The following PHF24 variants were observed in gnomAD, a reference collection of about 807,000 sequenced individuals.
PHF24 encodes Galpha inhibitory interacting protein.
PHF24 carries 25 observed loss-of-function variants against 42.6 expected under a neutral mutation model. The ratio of observed to expected loss-of-function variants is 0.59; its 90% confidence interval spans 0.43 to 0.82. The LOEUF (loss-of-function observed/expected upper bound fraction) is 0.82, where lower values mean the gene tolerates loss of function less well. Among genes scored for constraint, PHF24 ranks in the 40% least tolerant of loss-of-function variants. The pLI is 0.00. For missense variants in PHF24, 470 were observed against 538.1 expected (o/e 0.87, Z 1.25); for synonymous variants, 185 against 204.8 (o/e 0.90, Z 0.83).
the PHF24 span, among the ~76,000 whole-genome samples, chr9:34,682,150 ATTTTTTTT>A: frequency 3.5e-4 from 33 of 93,098 alleles, no homozygotes; most frequent in Non-Finnish European, 6.2e-4. Context: ...AATTATTTCT[ATTTTTTTT>A]TTTTTTTTTT....
At chr9:34,909,597 T>C in the PHF24 span, among the ~76,000 whole-genome samples, 38 of 152,076 alleles carry the variant, frequency 2.5e-4, no homozygotes, top group Non-Finnish European at 4.4e-4. Flanking sequence ...TTTTGAGAGG[T>C]ACCTTAGAAC....
At chr9:34,685,348 A>G in the PHF24 span, among the ~76,000 whole-genome samples, 1 of 152,084 alleles carries the variant, frequency 6.6e-6, no homozygotes, top group South Asian at 2.1e-4. Flanking sequence ...TGTTGTTGGG[A>G]AAACTGAGGC....
chr9:34,709,518 C>G, the PHF24 span: 1 of 1,614,132 alleles, frequency 6.2e-7, no homozygotes, highest in Non-Finnish European at 8.5e-7. Flanking sequence ...GCCTTTGGAG[C>G]CCTTTCCTTT....
At chr9:34,910,207 T>C in the PHF24 span, among the ~76,000 whole-genome samples, 3 of 152,340 alleles carry the variant, frequency 2.0e-5, no homozygotes, top group Non-Finnish European at 2.9e-5. Flanking sequence ...TTCTACAGTA[T>C]TCATATTTGT....
chr9:34,963,520 C>T (rs192967332), intron 1 of PHF24, among the ~76,000 whole-genome samples: 5 of 152,098 alleles, frequency 3.3e-5, no homozygotes, highest in East Asian at 3.8e-4. Context: ...AGATACTGCT[C>T]GTGCTAAATT....
At chr9:34,972,557 G>A in intron 3 of PHF24, 26 bp downstream of exon 3, 3 of 1,565,558 alleles carry the variant, frequency 1.9e-6, no homozygotes, top group Non-Finnish European at 2.6e-6. Flanking sequence ...AGGGACAGCA[G>A]AGGACTTGGC....
chr9:34,716,575 T>C, the PHF24 span, among the ~76,000 whole-genome samples: 1 of 102,392 alleles, frequency 9.8e-6, no homozygotes, highest in Admixed American at 9.2e-5. Context: ...CTTTGTTTTG[T>C]TTTGTTTTGT....
At chr9:34,976,091 T>G in intron 3 of PHF24, 61 bp from the exon 4 acceptor site, 2 of 1,166,080 alleles carry the variant, frequency 1.7e-6, no homozygotes, top group Non-Finnish European at 2.6e-6. Context: ...TCTAGCCCCC[T>G]TGACCCTGGC....
chr9:34,698,706 CTGACCTCCGG>C, the PHF24 span, among the ~76,000 whole-genome samples: 1 of 152,184 alleles, frequency 6.6e-6, no homozygotes, highest in South Asian at 2.1e-4. Flanking sequence ...TCTTGAACTC[CTGACCTCCGG>C]TGATCCACCT....
chr9:34,743,646 C>T, the PHF24 span, among the ~76,000 whole-genome samples: 1 of 152,196 alleles, frequency 6.6e-6, no homozygotes, highest in Non-Finnish European at 1.5e-5. Context: ...TTTATATTTA[C>T]AGCTCTTCTT....
the PHF24 span, among the ~76,000 whole-genome samples, chr9:34,827,612 C>T: frequency 5.9e-5 from 9 of 152,162 alleles, no homozygotes; most frequent in African/African-American, 2.2e-4. Context: ...AGGGGCATCC[C>T]ACTGTCCCTC....
chr9:34,879,587 T>C, the PHF24 span, among the ~76,000 whole-genome samples: 1 of 151,920 alleles, frequency 6.6e-6, no homozygotes, highest in Non-Finnish European at 1.5e-5. Context: ...TTCGATCAAG[T>C]GGAAGAAAAG....
the PHF24 span, among the ~76,000 whole-genome samples, chr9:34,900,785 C>G: frequency 6.6e-6 from 1 of 152,098 alleles, no homozygotes; most frequent in Non-Finnish European, 1.5e-5. Context: ...TGGATTAATG[C>G]CACTATAAAA....
the PHF24 span, among the ~76,000 whole-genome samples, chr9:34,706,834 CA>C: frequency 1.3e-5 from 2 of 151,858 alleles, no homozygotes; most frequent in Non-Finnish European, 2.9e-5. Flanking sequence ...TGTCTTACAC[CA>C]GGGGAAAATG....
At chr9:34,842,821 G>A in the PHF24 span, among the ~76,000 whole-genome samples, 1 of 152,272 alleles carries the variant, frequency 6.6e-6, no homozygotes, top group South Asian at 2.1e-4. Context: ...CAAGATGGTT[G>A]TACTATTTCC....
At chr9:34,726,080 T>C in the PHF24 span, 1 of 1,500,636 alleles carries the variant, frequency 6.7e-7, no homozygotes, top group Admixed American at 2.0e-5. Context: ...TTGCTGACAG[T>C]GGTGTCTTTG....
chr9:34,716,759 T>C, the PHF24 span, among the ~76,000 whole-genome samples: 5 of 152,162 alleles, frequency 3.3e-5, no homozygotes, highest in East Asian at 9.6e-4. Flanking sequence ...CCAGCTGTTT[T>C]ATTTTATTTT....
the PHF24 span, among the ~76,000 whole-genome samples, chr9:34,887,974 C>T: frequency 6.6e-6 from 1 of 151,410 alleles, no homozygotes; most frequent in Admixed American, 6.6e-5. Flanking sequence ...TCATTCTGAT[C>T]CCTTAAACAT....
At chr9:34,724,855 C>T in the PHF24 span, 20 of 1,546,538 alleles carry the variant, frequency 1.3e-5, no homozygotes, top group Middle Eastern at 5.0e-4. Context: ...CCCTGGGGAG[C>T]GCCACATAAT....
Sources: allele counts gnomAD v4.1 joint callset (sites outside exome capture counted in the v4.1 genomes callset), GRCh38; gene constraint gnomAD v4.1.1; transcripts MANE v1.5; gene names NCBI Gene and HGNC (gene_info 2026-07-23, HGNC 2026-07-21).